Variants in SLC43A2 observed in about 807,000 individuals in gnomAD.
The protein encoded by SLC43A2 is solute carrier family 43 member 2.
A neutral mutation model predicts 63.2 loss-of-function variants in SLC43A2; 38 were observed. That is an observed-to-expected ratio of 0.60 (90% confidence interval 0.46 to 0.79). The LOEUF is 0.79. Ranked by LOEUF, SLC43A2 falls within the 30% of genes least tolerant of loss-of-function variation. The probability of loss-of-function intolerance (pLI) is 0.00; values close to 1 mark genes in which losing one functional copy is unlikely to be tolerated. For missense variants in SLC43A2, 644 were observed against 756.2 expected, an observed-to-expected ratio of 0.85 and a Z score of 1.74; for synonymous variants, 322 against 331.0, an observed-to-expected ratio of 0.97 and a Z score of 0.30.
intron 5 of SLC43A2, among the ~76,000 whole-genome samples, chr17:1,600,172 A>G (rs1473248948): frequency 2.0e-5 from 1 of 49,860 alleles, no homozygotes; most frequent in Non-Finnish European, 3.6e-5. Context: ...TTTTTTTGAG[A>G]CGGAGTCTGG....
chr17:1,601,917 G>A lies in SLC43A2; in HGVS notation c.502-8638C>T, dbSNP rs553730449. Among the ~76,000 whole-genome samples the A allele has an allele frequency of 1.7e-4, 25 of 150,168 alleles. No homozygotes were observed. The South Asian group carries it at 2.5e-3, about 15-fold the overall frequency. On this transcript the variant is annotated intron_variant, in intron 5 of 13. Coordinates refer to ENST00000301335, the MANE Select transcript of SLC43A2 (RefSeq NM_152346.3). ...TACTGAGCCAGAGTCCTTCTGCACC[G>A]AGACTACCCCAGGCATGCACTGCCT...
At chr17:1,626,905 G>T (rs565868431) in intron 2 of SLC43A2, among the ~76,000 whole-genome samples, 4 of 152,180 alleles carry the variant, frequency 2.6e-5, no homozygotes, top group Non-Finnish European at 4.4e-5. Flanking sequence ...TGGCCCTCCT[G>T]TGGGGCTGAA....
Position 1,574,144 on chromosome 17 carries a change from G to C in SLC43A2, c.*1460C>G, listed in dbSNP as rs2075886984. 6.6e-6 allele frequency: 1 copy of C among 152,378 alleles called. No individual in the cohort carries two copies. Among genetic ancestry groups the C allele is most frequent in the Admixed American group, 6.5e-5 (1 of 15,280 alleles). The allele number at this position is 152,378 out of a possible 1,614,324, so 9.4% of individuals were successfully genotyped here. On this transcript the variant is annotated 3_prime_UTR_variant, in exon 14 of 14. Transcript: ENST00000301335. ...GATGGAAAGGGACCAGGATTCGCCT[G>C]TTTGGCTGGGAAAATCGGTAGAGGA...
In SLC43A2 at chr17:1,577,581, G is replaced by A. The variant is rs1039410789; in HGVS notation, c.1424+669C>T. Reference sequence around the variant, plus strand: ...ACATGTCAGGCTCTGCTGGCCCAGAGGTGGGAAAGGAATCCCAGCAACACA... The same window carrying A: ...ACATGTCAGGCTCTGCTGGCCCAGAAGTGGGAAAGGAATCCCAGCAACACA... On this transcript the variant is annotated intron_variant, in intron 12 of 13. Transcript: ENST00000301335. This position sits in a 1 kb window ranked among gnomAD's most constrained non-coding sequence, Gnocchi z 4.9. Among the ~76,000 whole-genome samples the A allele has an allele frequency of 6.6e-6, 1 of 152,194 alleles. No homozygotes were observed. Among genetic ancestry groups the A allele is most frequent in the Non-Finnish European group, 1.5e-5 (1 of 68,036 alleles).
At chr17:1,624,442 C>T (rs1378128267) in intron 2 of SLC43A2, among the ~76,000 whole-genome samples, 1 of 151,910 alleles carries the variant, frequency 6.6e-6, no homozygotes, top group Non-Finnish European at 1.5e-5. Context: ...GTGGCTCACA[C>T]CTGTAATCCC....
intron 10 of SLC43A2, 124 bp downstream of exon 10, chr17:1,585,789 G>T: frequency 6.3e-7 from 1 of 1,599,852 alleles, no homozygotes; most frequent in Non-Finnish European, 8.5e-7. Flanking sequence ...TAAGGGCTCC[G>T]GGAGCAGCTG....
chr17:1,570,711 C>T lies in SLC43A2; in HGVS notation c.*4893G>A, dbSNP rs2075835854. On this transcript the variant is annotated 3_prime_UTR_variant, in exon 14 of 14. Coordinates refer to ENST00000301335, the MANE Select transcript of SLC43A2 (RefSeq NM_152346.3). ...CCGTTTTAGCCGGGATGGTCTTGATCTCCTGACCTCGTGATCCGCCCGCCT... is the reference window on the plus strand; with the variant it reads ...CCGTTTTAGCCGGGATGGTCTTGATTTCCTGACCTCGTGATCCGCCCGCCT... 6.6e-6 allele frequency: 1 copy of T among 151,548 alleles called. No homozygotes were observed. Among genetic ancestry groups the T allele is most frequent in the African/African-American group, 2.4e-5 (1 of 41,246 alleles). The allele number at this position is 151,548 out of a possible 1,614,324, so 9.4% of individuals were successfully genotyped here. A position where few individuals can be genotyped will look rare whatever the true frequency, so the allele number is the denominator to read the frequency against.
rs2076096571 is a variant in SLC43A2 at position 1,586,001 on chromosome 17, T to G, written c.1129A>C (p.Thr377Pro). Residue 377 changes from threonine to proline, a missense_variant, in exon 10 of 14, where the codon ACG (threonine) becomes CCG (proline). This residue lies in a region of SLC43A2 where 528 missense variants were observed against 623.6 expected (regional missense o/e 0.85). Transcript: ENST00000301335. Reference protein sequence around the residue: ...FGVLQLLCLLTAPVIGYIMDW... With the variant: ...FGVLQLLCLLPAPVIGYIMDW... The stretch of plus-strand genomic sequence containing the variant: ...ATGATGTAGCCAATGACGGGGGCCG[T>G]CAGCAGGCACAGCAGCTGGAGCACG... 6.2e-7 allele frequency: 1 copy of G among 1,612,442 alleles called. No individual in the cohort carries two copies. Among genetic ancestry groups the G allele is most frequent in the Non-Finnish European group, 8.5e-7 (1 of 1,179,554 alleles).
chr17:1,593,126 G>T lies in SLC43A2; in HGVS notation c.594+61C>A. Reference sequence around the variant, plus strand: ...CCACAATTGCCTCCCTCTTCAGAGAGGGTGGAAGGAGCCTGGAGCAGGCCT... The same window carrying T: ...CCACAATTGCCTCCCTCTTCAGAGATGGTGGAAGGAGCCTGGAGCAGGCCT... On this transcript the variant is annotated intron_variant, in intron 6 of 13. Transcript: ENST00000301335. The surrounding 1 kb of genome is among the most constrained non-coding windows in gnomAD (Gnocchi z 5.3). The T allele has an allele frequency of 6.6e-7, 1 of 1,525,986 alleles. No individual in the cohort carries two copies. 94.5% of individuals were successfully genotyped at this position (1,525,986 alleles called of 1,614,324 possible).
chr17:1,579,056 G>T (rs1228272756), intron 11 of SLC43A2, among the ~76,000 whole-genome samples: 1 of 151,392 alleles, frequency 6.6e-6, no homozygotes, highest in Non-Finnish European at 1.5e-5. Context: ...CAGGAGAATC[G>T]CTTGAACCAA....
intron 5 of SLC43A2, among the ~76,000 whole-genome samples, chr17:1,594,817 T>A (rs891542601): frequency 1.3e-5 from 2 of 151,578 alleles, no homozygotes; most frequent in Admixed American, 6.6e-5. Flanking sequence ...CTGGATCTCC[T>A]GACCTCGTGA....
intron 1 of SLC43A2, chr17:1,628,373 C>T (rs543379100): frequency 6.5e-6 from 1 of 152,772 alleles, no homozygotes; most frequent in African/African-American, 2.4e-5. Flanking sequence ...CGAGACCCTT[C>T]CCCAGAGCTG....
intron 9 of SLC43A2, among the ~76,000 whole-genome samples, chr17:1,588,658 A>AC (rs1381282251): frequency 7.0e-6 from 1 of 142,870 alleles, no homozygotes; most frequent in Non-Finnish European, 1.5e-5. Flanking sequence ...CAGTTGCACC[A>AC]CTGCACTCCA....
chr17:1,584,970 C>T (rs905418067), intron 10 of SLC43A2, among the ~76,000 whole-genome samples: 1 of 152,156 alleles, frequency 6.6e-6, no homozygotes, highest in South Asian at 2.1e-4. Context: ...TTTATAGCAA[C>T]TCACTACTCA....
chr17:1,618,181 A>G (rs981548398), intron 2 of SLC43A2, among the ~76,000 whole-genome samples: 1 of 152,254 alleles, frequency 6.6e-6, no homozygotes, highest in Non-Finnish European at 1.5e-5. Context: ...CGTGTGGCCA[A>G]GGAGCCCCGC....
At chr17:1,579,200 C>T (rs945209335) in intron 11 of SLC43A2, among the ~76,000 whole-genome samples, 2 of 149,678 alleles carry the variant, frequency 1.3e-5, no homozygotes, top group African/African-American at 4.9e-5. Flanking sequence ...GTGGCTCACA[C>T]CTGTAGTCCC....
intron 5 of SLC43A2, among the ~76,000 whole-genome samples, chr17:1,601,498 C>G (rs984083386): frequency 4.6e-5 from 7 of 152,098 alleles, no homozygotes; most frequent in Non-Finnish European, 8.8e-5. Flanking sequence ...GGAGCCAAGG[C>G]CAAACTGATG....
At chr17:1,596,259 C>T (rs1905264240) in intron 5 of SLC43A2, among the ~76,000 whole-genome samples, 1 of 151,806 alleles carries the variant, frequency 6.6e-6, no homozygotes, top group Non-Finnish European at 1.5e-5. Flanking sequence ...ATGGAGGTTG[C>T]AGTGAGCTGA....
rs1050358707 is a variant in SLC43A2 at position 1,581,953 on chromosome 17, T to C, written c.1350+1251A>G. Reference sequence around the variant, plus strand: ...TCCTGAGTAGCTGGGATTACAGGCATGTGCCACCACGCCCAGCTAATTTTT... The same window carrying C: ...TCCTGAGTAGCTGGGATTACAGGCACGTGCCACCACGCCCAGCTAATTTTT... On this transcript the variant is annotated intron_variant, in intron 11 of 13. Coordinates refer to ENST00000301335, the MANE Select transcript of SLC43A2 (RefSeq NM_152346.3). 7.4e-4 allele frequency among the ~76,000 whole-genome samples: 113 copies of C among 151,722 alleles called. 1 individual carries two copies. Among genetic ancestry groups the C allele is most frequent in the African/African-American group, 2.0e-3 (81 of 41,332 alleles).
Sources: gnomAD v4.1 joint callset for allele counts (sites outside exome capture counted in the v4.1 genomes callset) on GRCh38, gnomAD v4.1.1 for gene constraint, gnomAD v4.1.1 regional missense constraint, Gnocchi (gnomAD v3.1) non-coding constraint, MANE v1.5 for transcripts, NCBI Gene and HGNC (gene_info 2026-07-23, HGNC 2026-07-21) for gene names.